The following KIF6 variants were observed in gnomAD, a reference collection of about 807,000 sequenced individuals.
KIF6 encodes the protein kinesin-like protein KIF6.
KIF6 carries 106 observed loss-of-function variants against 112.7 expected under a neutral mutation model. The observed-to-expected ratio is 0.94, with a 90% CI of 0.80 to 1.11. The LOEUF (loss-of-function observed/expected upper bound fraction) is 1.11, where lower values mean the gene tolerates loss of function less well. KIF6 is among the 50% of genes least tolerant of loss of function. KIF6 has a pLI of 0.00. For synonymous variants in KIF6, 339 were observed against 339.9 expected (o/e 1.00, Z 0.03); for missense variants, 929 against 964.0 (o/e 0.96, Z 0.48).
chr6:39,457,308 T>C (rs1199971253), intron 13 of KIF6, among the ~76,000 whole-genome samples: 1 of 148,468 alleles, frequency 6.7e-6, no homozygotes, highest in Admixed American at 6.7e-5. Context: ...AATAAAGATG[T>C]TCTTTGAAAC....
intron 2 of KIF6, among the ~76,000 whole-genome samples, chr6:39,720,095 C>A (rs955846840): frequency 6.6e-6 from 1 of 152,120 alleles, no homozygotes; most frequent in Non-Finnish European, 1.5e-5. Context: ...CAAAATGTTA[C>A]AATTTCAGCA....
rs115145576 is a variant in KIF6, at chr6:39,605,581, C to A, written c.639+7608G>T. 7.9e-3 allele frequency among the ~76,000 whole-genome samples: 1,206 copies of A among 152,042 alleles called. 14 individuals carry two copies. Among genetic ancestry groups the A allele is most frequent in the African/African-American group, 0.028 (1,154 of 41,482 alleles). ...GGAGAATTTAGATATCCATTTGTAT[C>A]ATTTTGTTCTAATGAAAAAAAATAT... is the stretch of plus-strand genomic sequence containing the variant. On this transcript the variant is annotated intron_variant, in intron 6 of 22. Coordinates refer to ENST00000287152, the MANE Select transcript of KIF6 (RefSeq NM_145027.6).
rs550985482 is a variant in KIF6, at chr6:39,644,594, T to C, written c.252-4837A>G. 7.9e-4 allele frequency among the ~76,000 whole-genome samples: 120 copies of C among 151,642 alleles called. 1 individual carries two copies. Among genetic ancestry groups the C allele is most frequent in the African/African-American group, 2.8e-3 (114 of 41,172 alleles). ...ATATTGTGATTCTATTTCTAGAAAATGTTCAGGATAAGAAAATTCCATAGA... is the reference window on the plus strand; with the variant it reads ...ATATTGTGATTCTATTTCTAGAAAACGTTCAGGATAAGAAAATTCCATAGA... On this transcript the variant is annotated intron_variant, in intron 3 of 22. Coordinates refer to ENST00000287152, the MANE Select transcript of KIF6 (RefSeq NM_145027.6).
At chr6:39,700,566 G>C (rs568282786) in intron 3 of KIF6, among the ~76,000 whole-genome samples, 96 of 152,256 alleles carry the variant, frequency 6.3e-4, no homozygotes, top group African/African-American at 2.2e-3. Flanking sequence ...ACTGAAAGAA[G>C]CTTCATGGTA....
chr6:39,700,503 C>A (rs1359824987), intron 3 of KIF6, among the ~76,000 whole-genome samples: 1 of 152,166 alleles, frequency 6.6e-6, no homozygotes, highest in Non-Finnish European at 1.5e-5. Flanking sequence ...ATATACAATG[C>A]ATTTTAATGT....
At chr6:39,501,492 C>T (rs1776134016) in intron 13 of KIF6, among the ~76,000 whole-genome samples, 1 of 152,044 alleles carries the variant, frequency 6.6e-6, no homozygotes, top group Admixed American at 6.5e-5. Context: ...GCTGAAATGA[C>T]AGAAGTAGGC....
intron 15 of KIF6, among the ~76,000 whole-genome samples, chr6:39,396,680 G>A (rs1768296753): frequency 6.6e-6 from 1 of 152,158 alleles, no homozygotes; most frequent in African/African-American, 2.4e-5. Context: ...AAAATAGGGT[G>A]ATAACACCAA....
At chr6:39,501,742 G>T (rs13218126) in intron 13 of KIF6, among the ~76,000 whole-genome samples, 17 of 152,196 alleles carry the variant, frequency 1.1e-4, no homozygotes, top group Non-Finnish European at 2.2e-4. Context: ...AGAGCTGGAA[G>T]ACTAGCTTCT....
At chr6:39,707,913 G>A (rs559594169) in intron 3 of KIF6, among the ~76,000 whole-genome samples, 1 of 152,316 alleles carries the variant, frequency 6.6e-6, no homozygotes, top group South Asian at 2.1e-4. Context: ...CACAGGGCTA[G>A]GGCCAGAATT....
intron 21 of KIF6, 86 bp downstream of exon 21, chr6:39,345,614 G>T: frequency 1.8e-6 from 2 of 1,117,254 alleles, no homozygotes; most frequent in Non-Finnish European, 2.6e-6. Flanking sequence ...TGGACGAGGG[G>T]CTTTTTCGGG....
intron 3 of KIF6, among the ~76,000 whole-genome samples, chr6:39,663,156 A>C (rs540133163): frequency 6.6e-6 from 1 of 152,332 alleles, no homozygotes; most frequent in Admixed American, 6.5e-5. Flanking sequence ...GTCCTCCCAA[A>C]GTGTGCCTGG....
chr6:39,612,659 G>A (rs1317159897), intron 6 of KIF6, among the ~76,000 whole-genome samples: 1 of 152,176 alleles, frequency 6.6e-6, no homozygotes, highest in African/African-American at 2.4e-5. Context: ...AACAATAGCT[G>A]CAAATGCATA....
intron 3 of KIF6, among the ~76,000 whole-genome samples, chr6:39,668,154 G>A (rs893524469): frequency 2.6e-5 from 4 of 152,184 alleles, no homozygotes; most frequent in Non-Finnish European, 5.9e-5. Context: ...GCAGAACTGT[G>A]AGCCAAATTG....
chr6:39,615,518 A>G (rs1167975489), intron 5 of KIF6, among the ~76,000 whole-genome samples: 6 of 142,140 alleles, frequency 4.2e-5, no homozygotes, highest in Admixed American at 3.8e-4. Flanking sequence ...ACCCCCATAC[A>G]CAGCACTGCT....
intron 6 of KIF6, among the ~76,000 whole-genome samples, chr6:39,606,533 A>G (rs1782899843): frequency 2.0e-5 from 3 of 152,126 alleles, no homozygotes; most frequent in Admixed American, 2.0e-4. Context: ...AAATATTCAT[A>G]TTGGGTTTAC....
chr6:39,616,870 G>A (rs1783549417), intron 5 of KIF6, among the ~76,000 whole-genome samples: 1 of 152,092 alleles, frequency 6.6e-6, no homozygotes, highest in South Asian at 2.1e-4. Context: ...AGGAAATAAG[G>A]ACCATTACAA....
At chr6:39,465,233 G>A (rs1773717696) in intron 13 of KIF6, among the ~76,000 whole-genome samples, 2 of 152,176 alleles carry the variant, frequency 1.3e-5, no homozygotes, top group Non-Finnish European at 2.9e-5. Flanking sequence ...TCAAAGGAGG[G>A]CAAGAAGCAT....
At chr6:39,619,959 C>A (rs755505893) in intron 5 of KIF6, among the ~76,000 whole-genome samples, 3 of 152,144 alleles carry the variant, frequency 2.0e-5, no homozygotes, top group Non-Finnish European at 4.4e-5. Context: ...CATGCCCTAA[C>A]AATATCACTT....
chr6:39,714,770 C>T lies in KIF6; in HGVS notation c.177-4G>A, dbSNP rs745691668. 1.9e-6 allele frequency: 3 copies of T among 1,594,386 alleles called. No homozygotes were observed. The highest frequency in any genetic ancestry group is 2.6e-6 in the Non-Finnish European group (3 of 1,162,818). ...CTGATCAAAAATTCTTTGAAATCTG[C>T]AATGTGAAAAATAGTAATTATTTAA... On this transcript the variant is annotated splice_region_variant and splice_polypyrimidine_tract_variant and intron_variant, in intron 2 of 22. Coordinates refer to ENST00000287152, the MANE Select transcript of KIF6 (RefSeq NM_145027.6).
Sources: gnomAD v4.1 joint callset for allele counts (sites outside exome capture counted in the v4.1 genomes callset) on GRCh38, gnomAD v4.1.1 for gene constraint, MANE v1.5 for transcripts, NCBI Gene and HGNC (gene_info 2026-07-23, HGNC 2026-07-21) for gene names.